Variants in NCOR1 observed in about 807,000 individuals in gnomAD.
The protein encoded by NCOR1 is nuclear receptor corepressor 1.
Under a neutral mutation model 288.1 loss-of-function variants are expected in NCOR1, and 63 were observed. That is an observed-to-expected ratio of 0.22 (90% CI 0.18 to 0.27). NCOR1 has a LOEUF of 0.27. Ranked by LOEUF, NCOR1 falls within the 10% of genes least tolerant of loss-of-function variation. The probability of loss-of-function intolerance (pLI) is 1.00; values close to 1 mark genes in which losing one functional copy is unlikely to be tolerated. For synonymous variants in NCOR1, 1,007 were observed against 1,065.9 expected (o/e 0.94, Z 1.08); for missense variants, 2,397 against 3,019.2 (o/e 0.79, Z 4.83).
chr17:16,187,754 T>A (rs563820851), intron 2 of NCOR1, among the ~76,000 whole-genome samples: 1 of 151,698 alleles, frequency 6.6e-6, no homozygotes, highest in East Asian at 1.9e-4. Flanking sequence ...AAAATAAATT[T>A]AAAAATTAGC....
chr17:16,039,650 T>A lies in NCOR1; in HGVS notation c.6738A>T (p.Ser2246=). ...FNLPAVTTSG[S]VSSRGHSFAD... ...CAAAAGAATGGCCTCTAGAGCTAAC[T>A]GAGCCTGAAAGAGAATCAAAAACAT... is the stretch of plus-strand genomic sequence containing the variant. Residue 2246 remains serine, a synonymous_variant, in exon 44 of 46, where the codon TCA becomes TCT. Transcript: ENST00000268712. The A allele has an allele frequency of 6.2e-7, 1 of 1,613,264 alleles. No individual in the cohort carries two copies. Among genetic ancestry groups the A allele is most frequent in the South Asian group, 1.1e-5 (1 of 90,904 alleles).
intron 12 of NCOR1, among the ~76,000 whole-genome samples, chr17:16,138,442 G>A (rs2076737453): frequency 6.6e-6 from 1 of 152,110 alleles, no homozygotes; most frequent in South Asian, 2.1e-4. Flanking sequence ...AAAATTAGCT[G>A]GGGATGGTGG....
intron 40 of NCOR1, chr17:16,057,236 A>T: frequency 2.5e-6 from 1 of 406,948 alleles, no homozygotes. Flanking sequence ...AGTGTCCCCA[A>T]ACCACTACCA....
intron 26 of NCOR1, among the ~76,000 whole-genome samples, chr17:16,076,075 G>T (rs2062411761): frequency 6.6e-6 from 1 of 152,198 alleles, no homozygotes; most frequent in Admixed American, 6.5e-5. Flanking sequence ...TTTTTGCGTT[G>T]TTGAAATTTG....
chr17:16,181,076 T>C lies in NCOR1; in HGVS notation c.242+5478A>G, dbSNP rs1336174902. Among the ~76,000 whole-genome samples the C allele has an allele frequency of 5.9e-5, 9 of 152,236 alleles. No individual in the cohort carries two copies. In the East Asian group the frequency reaches 1.2e-3, roughly 20 times the overall value. ...CCAGAGGCTGAGGCAGGAGAACTGC[T>C]TGAACCCAGGAGGTGGAGGTTGCAG... On this transcript the variant is annotated intron_variant, in intron 3 of 45. Transcript: ENST00000268712.
At chr17:16,098,642 T>C (rs975891092) in intron 20 of NCOR1, 146 bp from the exon 21 acceptor site, 16 of 624,082 alleles carry the variant, frequency 2.6e-5, no homozygotes, top group Non-Finnish European at 3.7e-5. Flanking sequence ...TATAAAATAT[T>C]TGGACAGTTA....
At chr17:16,080,761 A>G (rs904677450) in intron 23 of NCOR1, 34 bp from the exon 24 acceptor site, 2 of 1,585,824 alleles carry the variant, frequency 1.3e-6, no homozygotes, top group Non-Finnish European at 1.7e-6. Context: ...TTAAAGATTA[A>G]GCAAACATTG....
chr17:16,138,019 T>C, intron 13 of NCOR1, 139 bp downstream of exon 13: 1 of 598,632 alleles, frequency 1.7e-6, no homozygotes, highest in Non-Finnish European at 2.9e-6. Context: ...GTAATTATCA[T>C]TACATTAATC....
chr17:16,105,717 C>CA (rs2068483464), intron 19 of NCOR1, among the ~76,000 whole-genome samples: 1 of 122,544 alleles, frequency 8.2e-6, no homozygotes, highest in Non-Finnish European at 1.8e-5. Flanking sequence ...TTCAAGTCTC[C>CA]AAAAAACAAA....
chr17:16,071,391 G>C lies in NCOR1; in HGVS notation c.4152+18C>G, dbSNP rs1252457643. 1.2e-6 allele frequency: 2 copies of C among 1,601,468 alleles called. No homozygotes were observed. Among genetic ancestry groups the C allele is most frequent in the Admixed American group, 3.5e-5 (2 of 57,890 alleles). ...CATAAATATCAGTTACTGACAAAAA[G>C]AGCCAAAACTTAGTTACCTGGGAAA... On this transcript the variant is annotated intron_variant, in intron 30 of 45. Transcript: ENST00000268712.
At chr17:16,084,029 C>A (rs1195986304) in intron 23 of NCOR1, 2 of 151,960 alleles carry the variant, frequency 1.3e-5, no homozygotes, top group African/African-American at 4.8e-5. Context: ...CTGCCAGGTG[C>A]CCATGAAAAA....
chr17:16,068,428 T>C (rs1307422502), intron 31 of NCOR1: 1 of 284,104 alleles, frequency 3.5e-6, no homozygotes, highest in Non-Finnish European at 6.7e-6. Context: ...TTATGAATCA[T>C]TTTGTTTTTT....
intron 42 of NCOR1, among the ~76,000 whole-genome samples, chr17:16,041,805 T>C (rs12602453): frequency 0.13 from 19,731 of 149,964 alleles, 1,265 homozygotes; most frequent in South Asian, 0.21. Flanking sequence ...GGTGCGATCT[T>C]GGCTCACTGC....
At chr17:16,169,233 T>C (rs1450902656) in intron 4 of NCOR1, among the ~76,000 whole-genome samples, 2 of 152,124 alleles carry the variant, frequency 1.3e-5, no homozygotes, top group East Asian at 3.9e-4. Flanking sequence ...CACACTGCCT[T>C]ATGGGTTAGC....
At chr17:16,181,299 C>T (rs1051194323) in intron 3 of NCOR1, among the ~76,000 whole-genome samples, 9 of 139,270 alleles carry the variant, frequency 6.5e-5, no homozygotes, top group Non-Finnish European at 1.2e-4. Flanking sequence ...CCTTTCATAC[C>T]ATAACATGGA....
rs1567844252 is a variant in NCOR1, at chr17:16,073,482, T to C, written c.3758A>G (p.Asn1253Ser). 6.2e-7 allele frequency: 1 copy of C among 1,612,238 alleles called. No individual in the cohort carries two copies. Among genetic ancestry groups the C allele is most frequent in the South Asian group, 1.1e-5 (1 of 90,786 alleles). ...CCTCATTGACATCCCTTGCTTTATA[T>C]TTCCTTCCACTGATTCATAGCTTCT... is the stretch of plus-strand genomic sequence containing the variant. ...LKRSYESVEG[N>S]IKQGMSMRES... The change falls in exon 28 of 46, where the codon AAT (asparagine) becomes AGT (serine). Residue 1253 changes from asparagine (N) to serine (S), a missense_variant. Transcript: ENST00000268712.
chr17:16,102,368 C>T (rs1000322662), intron 19 of NCOR1, among the ~76,000 whole-genome samples: 16 of 152,000 alleles, frequency 1.1e-4, no homozygotes, highest in African/African-American at 3.4e-4. Flanking sequence ...CTGCAACCTC[C>T]GCCTCCTGGG....
chr17:16,159,630 AG>A (rs972868323), intron 5 of NCOR1, among the ~76,000 whole-genome samples: 1 of 152,134 alleles, frequency 6.6e-6, no homozygotes, highest in African/African-American at 2.4e-5. Context: ...CCCTTAACTC[AG>A]CATGGCACCA....
intron 5 of NCOR1, among the ~76,000 whole-genome samples, chr17:16,162,788 G>A (rs1282633160): frequency 1.3e-5 from 2 of 152,102 alleles, no homozygotes; most frequent in Non-Finnish European, 2.9e-5. Flanking sequence ...TCAGTAGAAG[G>A]GTGTTCCCTT....
Sources: gnomAD v4.1 joint callset for allele counts (sites outside exome capture counted in the v4.1 genomes callset) on GRCh38, gnomAD v4.1.1 for gene constraint, MANE v1.5 for transcripts, NCBI Gene and HGNC (gene_info 2026-07-23, HGNC 2026-07-21) for gene names.